NECTIN1: variants seen among roughly 807,000 people sequenced by gnomAD.
NECTIN1 encodes the protein nectin-1.
Under a neutral mutation model 48.0 loss-of-function variants are expected in NECTIN1, and 23 were observed. That is an observed-to-expected ratio of 0.48 (90% CI 0.34 to 0.68). The LOEUF (loss-of-function observed/expected upper bound fraction) is 0.68. Among genes scored for constraint, NECTIN1 ranks in the 30% least tolerant of loss-of-function variants. The pLI, the probability that NECTIN1 is intolerant of heterozygous loss-of-function variation, is 0.01. For synonymous variants in NECTIN1, 270 were observed against 288.9 expected, an observed-to-expected ratio of 0.93 and a Z score of 0.66; for missense variants, 591 against 709.9, an observed-to-expected ratio of 0.83 and a Z score of 1.90.
intron 5 of NECTIN1, among the ~76,000 whole-genome samples, chr11:119,649,497 G>A (rs1864459553): frequency 6.6e-6 from 1 of 152,004 alleles, no homozygotes; most frequent in Admixed American, 6.6e-5. Flanking sequence ...AAACAAGCCT[G>A]GGCAACATGG....
intron 1 of NECTIN1, among the ~76,000 whole-genome samples, chr11:119,706,080 C>A (rs1269283018): frequency 6.6e-6 from 1 of 152,216 alleles, no homozygotes; most frequent in African/African-American, 2.4e-5. Flanking sequence ...AAGCCCTCAG[C>A]TGCAGCCTCC....
chr11:119,722,172 G>A (rs1865842463), intron 1 of NECTIN1, among the ~76,000 whole-genome samples: 1 of 152,196 alleles, frequency 6.6e-6, no homozygotes, highest in South Asian at 2.1e-4. Context: ...CTAAACCTAG[G>A]TCTTACTCTC....
rs1423706936 is a variant in NECTIN1 at position 119,728,463 on chromosome 11, G to A, written c.79+12C>T. The A allele has an allele frequency of 1.9e-6, 3 of 1,595,900 alleles. No homozygotes were observed. Among genetic ancestry groups the A allele is most frequent in the Non-Finnish European group, 1.7e-6 (2 of 1,172,588 alleles). ...GGATGGGGGTGGGGACAGCAGAGGT[G>A]AGCGCTCTTACCTGGGAGGAAGAAT... On this transcript the variant is annotated intron_variant, in intron 1 of 5. Transcript: ENST00000264025.
At chr11:119,682,304 C>T (rs1865072753) in intron 1 of NECTIN1, among the ~76,000 whole-genome samples, 1 of 152,092 alleles carries the variant, frequency 6.6e-6, no homozygotes, top group Non-Finnish European at 1.5e-5. Context: ...AACAGGTGGG[C>T]CACGAGAAGG....
intron 4 of NECTIN1, 111 bp from the exon 5 acceptor site, chr11:119,675,421 G>A: frequency 9.6e-7 from 1 of 1,040,512 alleles, no homozygotes; most frequent in Non-Finnish European, 1.5e-6. Context: ...GAGCTTGTGT[G>A]GTAGAGTCTG....
rs943726363 is a variant in NECTIN1, at chr11:119,648,349, G to A, written c.1004-8337C>T. Among the ~76,000 whole-genome samples, 9 of 33,100 alleles carry A rather than the reference G, an allele frequency of 2.7e-4. 1 individual carries two copies. The highest frequency in any genetic ancestry group is 7.4e-4 in the Admixed American group (2 of 2,710). The allele number at this position is 33,100 out of a possible 152,430, so 21.7% of individuals were successfully genotyped here. A position where few individuals can be genotyped will look rare whatever the true frequency, so the allele number is the denominator to read the frequency against. On this transcript the variant is annotated intron_variant, in intron 5 of 7. Transcript: ENST00000341398. ...GGTGGTGATGGTGGTGGTGATGCTG[G>A]TGGTGGTGATGCTGGTGATGGTGGT...
intron 1 of NECTIN1, among the ~76,000 whole-genome samples, chr11:119,719,065 C>T (rs950678150): frequency 6.6e-6 from 1 of 152,124 alleles, no homozygotes; most frequent in East Asian, 1.9e-4. Context: ...CTTTGGATTG[C>T]GACCCTTCAG....
chr11:119,718,071 G>A (rs1286431599), intron 1 of NECTIN1, among the ~76,000 whole-genome samples: 2 of 152,196 alleles, frequency 1.3e-5, no homozygotes, highest in Non-Finnish European at 2.9e-5. Flanking sequence ...TTTTGCAGCC[G>A]AATTACCTTC....
At chr11:119,700,917 T>A (rs1362783283) in intron 1 of NECTIN1, among the ~76,000 whole-genome samples, 2 of 152,108 alleles carry the variant, frequency 1.3e-5, no homozygotes, top group African/African-American at 4.8e-5. Context: ...CACTGGAGCT[T>A]CTGTGGCTTG....
chr11:119,677,470 G>T lies in NECTIN1; in HGVS notation c.733+85C>A. The T allele has an allele frequency of 6.7e-7, 1 of 1,484,260 alleles. No individual in the cohort carries two copies. 91.9% of individuals were successfully genotyped at this position (1,484,260 alleles called of 1,614,324 possible). A position where few individuals can be genotyped will look rare whatever the true frequency, so the allele number is the denominator to read the frequency against. ...GGGGAGAAGAAAGCACCCCCAGAAA[G>T]AGAAAGGGAGGAGAAAGGAGAGGAG... On this transcript the variant is annotated intron_variant, in intron 3 of 5. Transcript: ENST00000264025. The surrounding 1 kb of genome is among the most constrained non-coding windows in gnomAD (Gnocchi z 5.4).
In NECTIN1 at chr11:119,681,119, C is replaced by T. The variant is rs994876879; in HGVS notation, c.80-2354G>A. ...TCCATGGTGAGGTCAGTGGGCCAGA[C>T]GGCCCAGTACTCTTGCTGACGGGCT... On this transcript the variant is annotated intron_variant, in intron 1 of 5. Transcript: ENST00000264025. Among the ~76,000 whole-genome samples the T allele has an allele frequency of 5.9e-5, 9 of 152,370 alleles. No individual in the cohort carries two copies. In the South Asian group the frequency reaches 8.3e-4, roughly 14 times the overall value.
intron 1 of NECTIN1, among the ~76,000 whole-genome samples, chr11:119,695,943 G>A (rs372135182): frequency 6.6e-6 from 1 of 152,130 alleles, no homozygotes; most frequent in African/African-American, 2.4e-5. Flanking sequence ...AGAAAAGTGA[G>A]GTGTCTTACA....
chr11:119,638,591 C>A, intron 7 of NECTIN1: 1 of 836,106 alleles, frequency 1.2e-6, no homozygotes, highest in East Asian at 2.7e-5. Context: ...ATCCCTCTAG[C>A]ATGGACCTGG....
chr11:119,725,293 G>T (rs1865892023), intron 1 of NECTIN1, among the ~76,000 whole-genome samples: 1 of 152,170 alleles, frequency 6.6e-6, no homozygotes, highest in Non-Finnish European at 1.5e-5. Context: ...AAGGTGAGTG[G>T]CTGAGAAGGG....
chr11:119,691,315 A>G (rs1041078906), intron 1 of NECTIN1, among the ~76,000 whole-genome samples: 13 of 152,216 alleles, frequency 8.5e-5, no homozygotes, highest in Admixed American at 1.3e-4. Context: ...CCAGGTCTAA[A>G]CCCAGCCCCA....
At position 119,665,055 on chromosome 11, in the gene NECTIN1, G is replaced by C. The variant is rs748837701; in HGVS notation, c.1246C>G (p.Leu416Val). Residue 416 changes from leucine to valine, a missense_variant, in exon 6 of 6, where the codon CTG becomes GTG. Transcript: ENST00000264025. The surrounding 1 kb of genome is among the most constrained non-coding windows in gnomAD (Gnocchi z 5.1). ...PQHHPPMAQN[L>V]QYPDDSDDEK... ...TCGTCTGAGTCGTCGGGGTACTGCA[G>C]GTTCTGTGCCATTGGTGGGTGGTGC... The C allele has an allele frequency of 2.5e-6, 4 of 1,613,880 alleles. No individual in the cohort carries two copies. In the East Asian group the frequency reaches 8.9e-5, roughly 36 times the overall value.
intron 5 of NECTIN1, chr11:119,674,646 A>G: frequency 1.9e-6 from 3 of 1,614,246 alleles, no homozygotes; most frequent in Non-Finnish European, 2.5e-6. Context: ...GTTGACAGAA[A>G]GCTGCAGGGA....
At position 119,704,261 on chromosome 11, in the gene NECTIN1, C is replaced by T. The variant is rs143412338; in HGVS notation, c.79+24214G>A. Among the ~76,000 whole-genome samples the T allele has an allele frequency of 4.1e-3, 627 of 152,070 alleles. 6 individuals carry two copies. Among genetic ancestry groups the T allele is most frequent in the African/African-American group, 0.014 (565 of 41,500 alleles). ...TATCTGAGACGGAGTCTCACTCTGT[C>T]GCCCAGGCTGGAGGGCAGTGGTGCA... On this transcript the variant is annotated intron_variant, in intron 1 of 5. Coordinates refer to ENST00000264025, the MANE Select transcript of NECTIN1 (RefSeq NM_002855.5).
chr11:119,661,776 G>A lies in NECTIN1; in HGVS notation c.*2971C>T, dbSNP rs1864669555. ...GTTTCTCCTTAATGGCTTTCAGCAG[G>A]ATCAGACCATTCCCTCTGCCACATC... On this transcript the variant is annotated 3_prime_UTR_variant, in exon 6 of 6. Coordinates refer to ENST00000264025, the MANE Select transcript of NECTIN1 (RefSeq NM_002855.5). The A allele has an allele frequency of 4.1e-6, 4 of 985,576 alleles. No individual in the cohort carries two copies. Among genetic ancestry groups the A allele is most frequent in the Non-Finnish European group, 4.8e-6 (4 of 829,970 alleles). 61.1% of individuals were successfully genotyped at this position (985,576 alleles called of 1,614,324 possible). A position where few individuals can be genotyped will look rare whatever the true frequency, so the allele number is the denominator to read the frequency against.
Sources: gnomAD v4.1 joint callset for allele counts (sites outside exome capture counted in the v4.1 genomes callset) on GRCh38, gnomAD v4.1.1 for gene constraint, Gnocchi (gnomAD v3.1) non-coding constraint, MANE v1.5 for transcripts, NCBI Gene and HGNC (gene_info 2026-07-23, HGNC 2026-07-21) for gene names.